Variants in MYO18B observed in about 807,000 individuals in gnomAD.
The protein encoded by MYO18B is myosin XVIIIB.
Under a neutral mutation model 273.0 loss-of-function variants are expected in MYO18B, and 204 were observed. That is an observed-to-expected ratio of 0.75 (90% CI 0.67 to 0.84). The LOEUF (loss-of-function observed/expected upper bound fraction) is 0.84. MYO18B is among the 40% of genes least tolerant of loss of function. The pLI is 0.00. For missense variants in MYO18B, 3,212 were observed against 3,287.6 expected (o/e 0.98, Z 0.56); for synonymous variants, 1,330 against 1,305.7 (o/e 1.02, Z -0.40).
chr22:25,842,129 G>A (rs2090100771), intron 17 of MYO18B, among the ~76,000 whole-genome samples: 1 of 152,194 alleles, frequency 6.6e-6, no homozygotes, highest in African/African-American at 2.4e-5. Flanking sequence ...CAGATGCCAC[G>A]CCCTTTACTC....
intron 39 of MYO18B, among the ~76,000 whole-genome samples, chr22:25,965,869 T>G (rs1164918181): frequency 6.6e-6 from 1 of 152,212 alleles, no homozygotes; most frequent in Admixed American, 6.5e-5. Flanking sequence ...TGCACTCCTG[T>G]GACCTGGCGT....
At chr22:25,882,713 C>A (rs2091376757) in intron 25 of MYO18B, among the ~76,000 whole-genome samples, 1 of 152,154 alleles carries the variant, frequency 6.6e-6, no homozygotes, top group Non-Finnish European at 1.5e-5. Context: ...TCCAGTGCTA[C>A]TACTGGTTTA....
At chr22:26,044,230 C>T in the MYO18B span, among the ~76,000 whole-genome samples, 155 of 152,182 alleles carry the variant, frequency 1.0e-3, no homozygotes, top group Middle Eastern at 6.8e-3. Context: ...GATGCAAGTT[C>T]TTTGTCAGAG....
At chr22:25,898,015 C>G in intron 28 of MYO18B, 1 of 313,402 alleles carries the variant, frequency 3.2e-6, no homozygotes, top group Non-Finnish European at 5.9e-6. Context: ...CAAGTTGAGG[C>G]AGGGTAGGTA....
chr22:25,769,409 A>G lies in MYO18B; in HGVS notation c.1493A>G (p.Gln498Arg). 2 of 1,556,388 alleles carry G rather than the reference A, an allele frequency of 1.3e-6. No homozygotes were observed. The highest frequency in any genetic ancestry group is 1.7e-6 in the Non-Finnish European group (2 of 1,151,218). ...PAPQEEGKGG[Q>R]SRDSDQAPED... ...CCGCAGGAGGAGGGCAAAGGAGGCC[A>G]GAGCAGAGACTCAGACCAGGTGAGG... Residue 498 changes from glutamine (Q) to arginine (R), a missense_variant, in exon 4 of 44, where the codon CAG becomes CGG. Coordinates refer to ENST00000335473, the MANE Select transcript of MYO18B (RefSeq NM_032608.7).
At chr22:26,014,052 T>C (rs1935117323) in intron 42 of MYO18B, among the ~76,000 whole-genome samples, 1 of 152,238 alleles carries the variant, frequency 6.6e-6, no homozygotes, top group Non-Finnish European at 1.5e-5. Flanking sequence ...GCTCTTTATA[T>C]ACTGTTGAAA....
At chr22:26,033,414 T>C (rs1936707977), downstream of MYO18B, among the ~76,000 whole-genome samples, 1 of 152,194 alleles carries the variant, frequency 6.6e-6, no homozygotes, top group African/African-American at 2.4e-5. Flanking sequence ...GATGAAATTA[T>C]CTTGTGAGTT....
chr22:25,929,593 A>G (rs1210431284), intron 34 of MYO18B, among the ~76,000 whole-genome samples: 1 of 152,158 alleles, frequency 6.6e-6, no homozygotes, highest in African/African-American at 2.4e-5. Flanking sequence ...TCTCTTCCAC[A>G]GAGGCAATAT....
Position 25,751,834 on chromosome 22 carries a change from T to C in MYO18B, c.-109-9150T>C, listed in dbSNP as rs190471535. Among the ~76,000 whole-genome samples the C allele has an allele frequency of 1.3e-3, 197 of 152,352 alleles. 1 individual carries two copies. The highest frequency in any genetic ancestry group is 4.5e-3 in the African/African-American group (189 of 41,576). On this transcript the variant is annotated intron_variant, in intron 1 of 43. Coordinates refer to ENST00000335473, the MANE Select transcript of MYO18B (RefSeq NM_032608.7). ...CCTAAATGTTCTGTGAATTGTCTTG[T>C]GCTGGGTGCTGGGCTGGGGTCTTCA...
the MYO18B span, among the ~76,000 whole-genome samples, chr22:26,047,959 C>G: frequency 6.6e-6 from 1 of 152,166 alleles, no homozygotes; most frequent in Non-Finnish European, 1.5e-5. Context: ...TCTGATCCTT[C>G]TCTTTTGCTG....
the MYO18B span, among the ~76,000 whole-genome samples, chr22:26,061,845 C>G: frequency 1.1e-3 from 163 of 152,078 alleles, no homozygotes; most frequent in African/African-American, 3.9e-3. Context: ...AATCTTGGCC[C>G]TTCCTAGCCC....
intron 3 of MYO18B, among the ~76,000 whole-genome samples, chr22:25,767,118 C>T (rs4822650): frequency 1.8e-4 from 28 of 152,196 alleles, no homozygotes; most frequent in African/African-American, 3.1e-4. Context: ...AGCGAGACAT[C>T]AGGGTAGAAC....
At chr22:25,802,914 A>G (rs538721439) in intron 12 of MYO18B, among the ~76,000 whole-genome samples, 27 of 151,794 alleles carry the variant, frequency 1.8e-4, no homozygotes, top group Admixed American at 2.6e-4. Flanking sequence ...CAATCATGTA[A>G]TATGTGCATA....
chr22:25,854,087 C>T (rs1246673284), intron 21 of MYO18B, among the ~76,000 whole-genome samples: 1 of 152,054 alleles, frequency 6.6e-6, no homozygotes, highest in Admixed American at 6.5e-5. Flanking sequence ...TGTCATTAGA[C>T]ACTAGACGGC....
chr22:25,888,484 A>C (rs987671488), intron 25 of MYO18B, among the ~76,000 whole-genome samples: 2 of 151,428 alleles, frequency 1.3e-5, no homozygotes, highest in African/African-American at 4.9e-5. Context: ...CTGGTCTTGA[A>C]CTCCTGGCCT....
intron 3 of MYO18B, among the ~76,000 whole-genome samples, chr22:25,765,159 C>T (rs903617655): frequency 6.6e-6 from 1 of 152,134 alleles, no homozygotes; most frequent in Non-Finnish European, 1.5e-5. Context: ...GACTCAGAGC[C>T]AAGATGCAGG....
intron 10 of MYO18B, among the ~76,000 whole-genome samples, chr22:25,783,195 T>C (rs1335568545): frequency 6.6e-6 from 1 of 152,230 alleles, no homozygotes; most frequent in Admixed American, 6.5e-5. Context: ...GACCAGGCCC[T>C]GACCAGGTCA....
At chr22:25,914,268 T>C (rs1245805056) in intron 33 of MYO18B, among the ~76,000 whole-genome samples, 1 of 152,230 alleles carries the variant, frequency 6.6e-6, no homozygotes, top group East Asian at 1.9e-4. Flanking sequence ...CTTATTTAGG[T>C]TCTACAACAA....
chr22:26,009,770 G>A (rs1934734337), intron 42 of MYO18B, among the ~76,000 whole-genome samples: 1 of 152,030 alleles, frequency 6.6e-6, no homozygotes, highest in East Asian at 1.9e-4. Context: ...AAATGCCAGG[G>A]TTCACAGGTT....
Sources: gnomAD v4.1 joint callset for allele counts (sites outside exome capture counted in the v4.1 genomes callset) on GRCh38, gnomAD v4.1.1 for gene constraint, MANE v1.5 for transcripts, NCBI Gene and HGNC (gene_info 2026-07-23, HGNC 2026-07-21) for gene names.